The following CCDC12 variants were observed in gnomAD, a reference collection of about 807,000 sequenced individuals.
The protein encoded by CCDC12 is coiled-coil domain containing 12.
In CCDC12, 28 loss-of-function variants were observed where a neutral mutation model predicts 25.7. That is an observed-to-expected ratio of 1.09 (90% CI 0.81 to 1.50). The LOEUF (loss-of-function observed/expected upper bound fraction) is 1.50, where lower values mean the gene tolerates loss of function less well. Among genes scored for constraint, CCDC12 ranks in the 40% most tolerant of loss-of-function variants. CCDC12 has a pLI of 0.00. For missense variants in CCDC12, 198 were observed against 210.0 expected, an observed-to-expected ratio of 0.94 and a Z score of 0.35; for synonymous variants, 75 against 87.7, an observed-to-expected ratio of 0.86 and a Z score of 0.81.
intron 1 of CCDC12, among the ~76,000 whole-genome samples, chr3:46,975,554 G>T (rs1217390894): frequency 1.7e-5 from 2 of 114,402 alleles, no homozygotes; most frequent in African/African-American, 6.4e-5. Flanking sequence ...TTTTTGAGAC[G>T]GAGTCTCGCT....
intron 1 of CCDC12, among the ~76,000 whole-genome samples, chr3:46,947,617 C>G (rs1246975348): frequency 6.6e-6 from 1 of 152,224 alleles, no homozygotes; most frequent in African/African-American, 2.4e-5. Flanking sequence ...GGCTGCAGAG[C>G]TCCTCACTCT....
intron 2 of CCDC12, among the ~76,000 whole-genome samples, chr3:46,932,687 C>T (rs955542307): frequency 6.6e-6 from 1 of 152,234 alleles, no homozygotes; most frequent in Non-Finnish European, 1.5e-5. Flanking sequence ...GTGGACAGGC[C>T]TCCAAGCAAG....
In CCDC12 at chr3:46,922,697, C is replaced by G. The variant is rs563241585; in HGVS notation, c.342-385G>C. 256 of 322,736 alleles carry G rather than the reference C, an allele frequency of 7.9e-4. No individual in the cohort carries two copies. The South Asian group carries it at 8.8e-3, about 11-fold the overall frequency. 20.0% of individuals were successfully genotyped at this position (322,736 alleles called of 1,614,324 possible). On this transcript the variant is annotated intron_variant, in intron 5 of 6. Transcript: ENST00000683445. ...GCCCAGCCCCTCCACTGTGGGCACCCAGAAGTGCACAAGCACTCAGCCCAT... is the reference window on the plus strand; with the variant it reads ...GCCCAGCCCCTCCACTGTGGGCACCGAGAAGTGCACAAGCACTCAGCCCAT...
chr3:46,944,155 C>T (rs2033818814), intron 1 of CCDC12, among the ~76,000 whole-genome samples: 1 of 152,138 alleles, frequency 6.6e-6, no homozygotes, highest in African/African-American at 2.4e-5. Context: ...CAGTTTAAGC[C>T]ATGGGAAAAC....
intron 1 of CCDC12, among the ~76,000 whole-genome samples, chr3:46,941,571 A>C (rs2033711224): frequency 6.6e-6 from 1 of 151,964 alleles, no homozygotes. Flanking sequence ...TCTCAAAAAA[A>C]AAAAAAAGCA....
intron 1 of CCDC12, among the ~76,000 whole-genome samples, chr3:46,942,710 C>T (rs2033758823): frequency 6.6e-6 from 1 of 152,188 alleles, no homozygotes; most frequent in Non-Finnish European, 1.5e-5. Context: ...CACCCCAACT[C>T]AGGGCAGCTC....
intron 2 of CCDC12, among the ~76,000 whole-genome samples, chr3:46,927,130 C>A (rs1255456194): frequency 1.3e-5 from 2 of 152,202 alleles, no homozygotes; most frequent in Non-Finnish European, 2.9e-5. Context: ...GGCTGAACCA[C>A]TGCGGGCGAT....
intron 2 of CCDC12, among the ~76,000 whole-genome samples, chr3:46,936,740 A>G (rs1401316418): frequency 6.6e-6 from 1 of 152,264 alleles, no homozygotes; most frequent in Admixed American, 6.5e-5. Flanking sequence ...AAAAATTTAA[A>G]GCATGATGAA....
chr3:46,973,949 G>A (rs191900947), intron 1 of CCDC12, among the ~76,000 whole-genome samples: 63 of 152,288 alleles, frequency 4.1e-4, no homozygotes, highest in African/African-American at 1.3e-3. Flanking sequence ...ATTCACAACA[G>A]GCAAAACGTA....
chr3:46,923,016 C>T (rs1428278609), intron 5 of CCDC12: 1 of 292,198 alleles, frequency 3.4e-6, no homozygotes, highest in African/African-American at 2.2e-5. Context: ...TCCCTCCACT[C>T]CTGGCCCCCA....
At chr3:46,965,812 A>C (rs1049833764) in intron 1 of CCDC12, among the ~76,000 whole-genome samples, 1 of 152,212 alleles carries the variant, frequency 6.6e-6, no homozygotes, top group African/African-American at 2.4e-5. Context: ...TACAAGTTAA[A>C]GGGGCCCTCA....
chr3:46,981,100 A>G (rs769283787), upstream of CCDC12, among the ~76,000 whole-genome samples: 55 of 152,200 alleles, frequency 3.6e-4, no homozygotes, highest in South Asian at 2.1e-4. Context: ...CCTCTTTGGT[A>G]TAACTCAGAT....
At chr3:46,940,882 AAAG>A in intron 2 of CCDC12, 113 bp downstream of exon 2, 1 of 1,007,790 alleles carries the variant, frequency 9.9e-7, no homozygotes, top group Non-Finnish European at 1.6e-6. Context: ...CCATGGGCAG[AAAG>A]AAGAGGGGAG....
intron 1 of CCDC12, among the ~76,000 whole-genome samples, chr3:46,963,509 G>A (rs904615854): frequency 1.4e-4 from 21 of 152,044 alleles, no homozygotes; most frequent in African/African-American, 3.4e-4. Context: ...ATGCCCAGCC[G>A]AAGCTGGACT....
At chr3:46,979,676 A>C (rs1193482210), upstream of CCDC12, 2 of 315,438 alleles carry the variant, frequency 6.3e-6, no homozygotes, top group East Asian at 9.5e-5. Context: ...AGTGAGGAGG[A>C]GGAGCGAGCA....
chr3:46,941,713 CAGGCCAGCAGTCACCTTCATGGGTCT>C lies in CCDC12; in HGVS notation c.97-674_97-649del, dbSNP rs540292861. Among the ~76,000 whole-genome samples the C allele has an allele frequency of 5.7e-3, 863 of 152,320 alleles. 7 individuals are homozygous for C. The highest frequency in any genetic ancestry group is 0.02 in the African/African-American group (825 of 41,580). On this transcript the variant is annotated intron_variant, in intron 1 of 6. Coordinates refer to ENST00000683445, the MANE Select transcript of CCDC12 (RefSeq NM_001277074.2). ...TGGTGCCATGGAGGGGCCATGCTGG[CAGGCCAGCAGTCACCTTCATGGGTCT>C]AGACAGAACCACCTGCTAAGCTAGG...
chr3:46,965,665 G>A (rs1575562664), intron 1 of CCDC12, among the ~76,000 whole-genome samples: 1 of 152,180 alleles, frequency 6.6e-6, no homozygotes, highest in Non-Finnish European at 1.5e-5. Flanking sequence ...TATCCCAGAG[G>A]AAGAGCACCC....
intron 1 of CCDC12, among the ~76,000 whole-genome samples, chr3:46,962,026 A>G (rs975320697): frequency 6.6e-6 from 1 of 152,240 alleles, no homozygotes; most frequent in Non-Finnish European, 1.5e-5. Context: ...ATTATAACAT[A>G]AAAGAATATC....
chr3:46,967,741 T>C (rs1454843328), intron 1 of CCDC12, among the ~76,000 whole-genome samples: 2 of 152,206 alleles, frequency 1.3e-5, no homozygotes, highest in African/African-American at 2.4e-5. Flanking sequence ...ATACAGCTGG[T>C]ACTCAATAAA....
Sources: gnomAD v4.1 joint callset for allele counts (sites outside exome capture counted in the v4.1 genomes callset) on GRCh38, gnomAD v4.1.1 for gene constraint, MANE v1.5 for transcripts, NCBI Gene and HGNC (gene_info 2026-07-23, HGNC 2026-07-21) for gene names.